GRIN2C: variants seen among roughly 807,000 people sequenced by gnomAD.
GRIN2C encodes glutamate ionotropic receptor NMDA type subunit 2C, also known as glutamate receptor ionotropic, NMDA 2C.
GRIN2C carries 64 observed loss-of-function variants against 77.7 expected under a neutral mutation model. The observed-to-expected ratio is 0.82, with a 90% CI of 0.67 to 1.01. The LOEUF is 1.01. Among genes scored for constraint, GRIN2C ranks in the 50% least tolerant of loss-of-function variants. The pLI is 0.00. For missense variants in GRIN2C, 1,549 were observed against 1,486.0 expected, an observed-to-expected ratio of 1.04 and a Z score of -0.70; for synonymous variants, 792 against 643.4, an observed-to-expected ratio of 1.23 and a Z score of -3.49.
chr17:74,857,742 G>A (rs547768954), intron 1 of GRIN2C, among the ~76,000 whole-genome samples: 5 of 152,266 alleles, frequency 3.3e-5, no homozygotes, highest in Admixed American at 1.3e-4. Context: ...TATAGGAGCC[G>A]CCAGTCATAC....
chr17:74,843,290 G>A lies in GRIN2C; in HGVS notation c.2847C>T (p.Pro949=), dbSNP rs750336406. Residue 949 remains proline, a synonymous_variant, in exon 13 of 13, where the codon CCC becomes CCT. Transcript: ENST00000293190. ...RSGPSPCLPT[P]DPPPEPSPTG... ...TGGGGCTCGGCTCTGGGGGCGGGTC[G>A]GGGGTGGGCAGGCATGGGCTGGGGC... 8 of 1,151,532 alleles carry A rather than the reference G, an allele frequency of 6.9e-6. No homozygotes were observed. The highest frequency in any genetic ancestry group is 3.2e-5 in the South Asian group (2 of 63,350). The allele number at this position is 1,151,532 out of a possible 1,614,324, so 71.3% of individuals were successfully genotyped here. A position where few individuals can be genotyped will look rare whatever the true frequency, so the allele number is the denominator to read the frequency against.
In GRIN2C at chr17:74,852,488, G is replaced by T; in HGVS notation, c.523C>A (p.His175Asn). The T allele has an allele frequency of 6.4e-7, 1 of 1,567,182 alleles. No individual in the cohort carries two copies. The stretch of plus-strand genomic sequence containing the variant: ...CGCACGCCCTCCAGGAAGAGCGCGT[G>T]GCCCGGGTGCAGGCTGGTGATGACG... ...FAVITSLHPG[H>N]ALFLEGVRAV... Residue 175 changes from histidine to asparagine, a missense_variant, in exon 3 of 13, where the codon CAC becomes AAC. By Grantham distance (68) the His-to-Asn change is moderately conservative. Transcript: ENST00000293190.
chr17:74,845,728 T>A (rs1402802617), intron 11 of GRIN2C, among the ~76,000 whole-genome samples: 1 of 152,106 alleles, frequency 6.6e-6, no homozygotes, highest in Non-Finnish European at 1.5e-5. Flanking sequence ...AAGGAGGTGC[T>A]CATCTGGGAG....
In GRIN2C at chr17:74,846,775, G is replaced by C; in HGVS notation, c.2147C>G (p.Thr716Ser). The C allele has an allele frequency of 1.2e-6, 2 of 1,613,882 alleles. No individual in the cohort carries two copies. Among genetic ancestry groups the C allele is most frequent in the Non-Finnish European group, 1.7e-6 (2 of 1,179,888 alleles). The part of the protein sequence containing the change: ...FNQRSVEDAL[T>S]SLKMGKLDAF... Reference sequence around the variant, plus strand: ...GGGGACCCACCCCATCTTGAGGCTGGTGAGCGCGTCCTCCACCGAGCGCTG... The same window carrying C: ...GGGGACCCACCCCATCTTGAGGCTGCTGAGCGCGTCCTCCACCGAGCGCTG... The change falls in exon 10 of 13, where the codon ACC becomes AGC. Residue 716 changes from threonine (T) to serine (S), a missense_variant. This residue lies in a region of GRIN2C where 717 missense variants were observed against 858.1 expected (regional missense o/e 0.84). Coordinates refer to ENST00000293190, the MANE Select transcript of GRIN2C (RefSeq NM_000835.6). This position sits in a 1 kb window ranked among gnomAD's most constrained non-coding sequence, Gnocchi z 4.4.
rs966466178 is a variant in GRIN2C at position 74,843,480 on chromosome 17, G to A, written c.2657C>T (p.Ala886Val). Residue 886 changes from alanine (A) to valine (V), a missense_variant, in exon 13 of 13, where the codon GCC becomes GTC. Physicochemically the swap from Ala to Val is moderately conservative, Grantham distance 64. This residue lies in a region of GRIN2C where 450 missense variants were observed against 267.9 expected (regional missense o/e 1.68). Coordinates refer to ENST00000293190, the MANE Select transcript of GRIN2C (RefSeq NM_000835.6). ...GAGCACGCTGGCCTGGGCCGAGCTG[G>A]CCGTGAGGTCCGGGCTGGCCTGCCG... ...PPRQASPDLT[A>V]SSAQASVLKM... 6.5e-7 allele frequency: 1 copy of A among 1,534,208 alleles called. No individual in the cohort carries two copies. The highest frequency in any genetic ancestry group is 2.4e-5 in the East Asian group (1 of 40,890).
intron 1 of GRIN2C, among the ~76,000 whole-genome samples, chr17:74,855,533 A>G (rs1159504352): frequency 6.6e-6 from 1 of 152,252 alleles, no homozygotes; most frequent in Non-Finnish European, 1.5e-5. Context: ...TAGGGAAGTC[A>G]CTTAGCCTCT....
chr17:74,851,639 C>T lies in GRIN2C; in HGVS notation c.1051G>A (p.Gly351Arg). 1.3e-6 allele frequency: 2 copies of T among 1,574,582 alleles called. No individual in the cohort carries two copies. Among genetic ancestry groups the T allele is most frequent in the Non-Finnish European group, 1.7e-6 (2 of 1,159,180 alleles). Residue 351 changes from glycine to arginine, a missense_variant, in exon 4 of 13, where the codon GGG (glycine) becomes AGG (arginine). Around this residue, in one of 3 missense-constraint regions of GRIN2C, gnomAD observed 717 missense variants for 858.1 expected, o/e 0.84. Coordinates refer to ENST00000293190, the MANE Select transcript of GRIN2C (RefSeq NM_000835.6). ...ACCATGGTGGGCTGGACCAGGTACC[C>T]ACCAGGGCTGAAGGAGAAGTCTCGG... ...EGRDFSFSPG[G>R]YLVQPTMVVI...
rs2037316265 is a variant in GRIN2C, at chr17:74,842,524, C to G, written c.3613G>C (p.Asp1205His). Residue 1205 changes from aspartate (D) to histidine (H), a missense_variant, in exon 13 of 13, where the codon GAC (aspartate) becomes CAC (histidine). By Grantham distance (81) the Asp-to-His change is moderately conservative. Coordinates refer to ENST00000293190, the MANE Select transcript of GRIN2C (RefSeq NM_000835.6). The part of the protein sequence containing the change: ...GTGYRDSGGL[D>H]EISRVARGTQ... ...CCACGGGCTACCCTGCTGATCTCGT[C>G]CAGTCCCCCACTGTCTCTGTAGCCT... The G allele has an allele frequency of 1.3e-6, 1 of 779,068 alleles. No individual in the cohort carries two copies. The highest frequency in any genetic ancestry group is 2.4e-6 in the Non-Finnish European group (1 of 417,742). 48.3% of individuals were successfully genotyped at this position (779,068 alleles called of 1,614,324 possible). A position where few individuals can be genotyped will look rare whatever the true frequency, so the allele number is the denominator to read the frequency against.
At position 74,842,673 on chromosome 17, in the gene GRIN2C, G is replaced by A. The variant is rs771458368; in HGVS notation, c.3464C>T (p.Ala1155Val). 1.9e-5 allele frequency: 14 copies of A among 734,560 alleles called. No homozygotes were observed. Among genetic ancestry groups the A allele is most frequent in the Admixed American group, 1.3e-4 (7 of 52,272 alleles). The allele number at this position is 734,560 out of a possible 1,614,324, so 45.5% of individuals were successfully genotyped here. ...HRQHVCLHAH[A>V]HLPFCWGAVC... ...AGCCCCCCAGCAAAATGGCAGGTGG[G>A]CGTGGGCGTGCAGGCAGACGTGCTG... The change falls in exon 13 of 13, where the codon GCC (alanine) becomes GTC (valine). Residue 1155 changes from alanine (A) to valine (V), a missense_variant. Ala to Val is a moderately conservative substitution (Grantham distance 64). Coordinates refer to ENST00000293190, the MANE Select transcript of GRIN2C (RefSeq NM_000835.6).
In GRIN2C at chr17:74,842,403, C is replaced by G; in HGVS notation, c.*32G>C. ...ACCCTGACAGTGGCAGGCAGAGAAT[C>G]CAGCTGGCTCGGAGCCTGAGTGGCT... On this transcript the variant is annotated 3_prime_UTR_variant, in exon 13 of 13. Coordinates refer to ENST00000293190, the MANE Select transcript of GRIN2C (RefSeq NM_000835.6). 1.3e-6 allele frequency: 1 copy of G among 751,436 alleles called. No homozygotes were observed. The allele number at this position is 751,436 out of a possible 1,614,324, so 46.5% of individuals were successfully genotyped here.
Position 74,842,720 on chromosome 17 carries a change from C to T in GRIN2C, c.3417G>A (p.Gly1139=). 1 of 711,216 alleles carries T rather than the reference C, an allele frequency of 1.4e-6. No individual in the cohort carries two copies. 44.1% of individuals were successfully genotyped at this position (711,216 alleles called of 1,614,324 possible). ...REACQEGEQA[G]APAWQHRQHV... The stretch of plus-strand genomic sequence containing the variant: ...GCTGTCTGTGCTGCCAGGCGGGGGC[C>T]CCTGCCTGCTCGCCCTCCTGGCAGG... Residue 1139 remains glycine, a synonymous_variant, in exon 13 of 13, where the codon GGG becomes GGA. Coordinates refer to ENST00000293190, the MANE Select transcript of GRIN2C (RefSeq NM_000835.6).
Position 74,852,355 on chromosome 17 carries a change from A to C in GRIN2C, c.656T>G (p.Leu219Arg). 6.9e-7 allele frequency: 1 copy of C among 1,453,916 alleles called. No homozygotes were observed. Among genetic ancestry groups the C allele is most frequent in the Non-Finnish European group, 9.0e-7 (1 of 1,110,906 alleles). The allele number at this position is 1,453,916 out of a possible 1,614,324, so 90.1% of individuals were successfully genotyped here. A position where few individuals can be genotyped will look rare whatever the true frequency, so the allele number is the denominator to read the frequency against. Residue 219 changes from leucine to arginine, a missense_variant, in exon 3 of 13, where the codon CTC becomes CGC. Leu to Arg is a moderately radical substitution (Grantham distance 102). Around this residue, in one of 3 missense-constraint regions of GRIN2C, gnomAD observed 382 missense variants for 360.0 expected, o/e 1.06. Coordinates refer to ENST00000293190, the MANE Select transcript of GRIN2C (RefSeq NM_000835.6). ...GTAGGCCACAAACACGGGCGCGTCGAGCTGGCGCAGCAGGCGCTGCGTGCG... is the reference window on the plus strand; with the variant it reads ...GTAGGCCACAAACACGGGCGCGTCGCGCTGGCGCAGCAGGCGCTGCGTGCG... ...RARTQRLLRQ[L>R]DAPVFVAYCS...
chr17:74,850,399 G>T lies in GRIN2C; in HGVS notation c.1326-28C>A, dbSNP rs370702335. On this transcript the variant is annotated intron_variant, in intron 5 of 12. Coordinates refer to ENST00000293190, the MANE Select transcript of GRIN2C (RefSeq NM_000835.6). This position sits in a 1 kb window ranked among gnomAD's most constrained non-coding sequence, Gnocchi z 5.3. ...GCAGCCATGCCGCCATGAGACCACC[G>T]GGAGTCAGAGTATGTCGTGGCCCAG... The T allele has an allele frequency of 6.2e-7, 1 of 1,604,034 alleles. No homozygotes were observed. Among genetic ancestry groups the T allele is most frequent in the East Asian group, 2.2e-5 (1 of 44,858 alleles).
At chr17:74,844,037 C>T in intron 12 of GRIN2C, 1 of 773,918 alleles carries the variant, frequency 1.3e-6, no homozygotes, top group Non-Finnish European at 2.0e-6. Context: ...CCACGCCCAG[C>T]TAATTCTTTT....
chr17:74,851,927 T>C, intron 3 of GRIN2C, 86 bp downstream of exon 3: 1 of 1,048,258 alleles, frequency 9.5e-7, no homozygotes, highest in East Asian at 2.7e-5. Context: ...GTGGGAGGTG[T>C]GGCTGGCCAG....
At chr17:74,848,914 G>A (rs2037542675) in intron 7 of GRIN2C, among the ~76,000 whole-genome samples, 2 of 151,986 alleles carry the variant, frequency 1.3e-5, no homozygotes, top group South Asian at 4.2e-4. Flanking sequence ...CTACTCAAGA[G>A]GCTGAGGTGG....
chr17:74,843,153 G>T lies in GRIN2C; in HGVS notation c.2984C>A (p.Ser995Ter). ...CCGCGCCTCCCAGGCTGGGCGGCGC[G>T]ACACTCGGGAGACGTCGGACAGGGG... is the stretch of plus-strand genomic sequence containing the variant. Reference protein sequence around the residue: ...GPPLSDVSRVSRRPAWEARWP... With the variant: ...GPPLSDVSRV The change falls in exon 13 of 13, where the codon TCG becomes TAG. Residue 995 changes from serine to a stop codon, truncating the protein, a stop_gained. Transcript: ENST00000293190. LOFTEE classifies it low-confidence loss of function (END_TRUNC). 2.4e-6 allele frequency: 1 copy of T among 413,752 alleles called. No individual in the cohort carries two copies. The highest frequency in any genetic ancestry group is 4.2e-6 in the Non-Finnish European group (1 of 236,434). 25.6% of individuals were successfully genotyped at this position (413,752 alleles called of 1,614,324 possible).
At chr17:74,856,571 C>T (rs1011044679) in intron 1 of GRIN2C, among the ~76,000 whole-genome samples, 20 of 151,690 alleles carry the variant, frequency 1.3e-4, no homozygotes, top group Non-Finnish European at 2.2e-4. Flanking sequence ...CTCCACCTCC[C>T]GGGTTCATGC....
rs534330030 is a variant in GRIN2C at position 74,844,316 on chromosome 17, G to A, written c.2543C>T (p.Pro848Leu). 1 of 1,614,090 alleles carries A rather than the reference G, an allele frequency of 6.2e-7. No homozygotes were observed. Among genetic ancestry groups the A allele is most frequent in the South Asian group, 1.1e-5 (1 of 91,086 alleles). The stretch of plus-strand genomic sequence containing the variant: ...CAGGAAGTCCAGCTGGGATGAGTTG[G>A]GCACCGAGTGGCGCAGCTTCCAGTA... ...LVYWKLRHSV[P>L]NSSQLDFLLA... is the part of the protein sequence containing the mutation. Residue 848 changes from proline to leucine, a missense_variant, in exon 12 of 13, where the codon CCC becomes CTC. Coordinates refer to ENST00000293190, the MANE Select transcript of GRIN2C (RefSeq NM_000835.6).
Sources: gnomAD v4.1 joint callset for allele counts (sites outside exome capture counted in the v4.1 genomes callset) on GRCh38, gnomAD v4.1.1 for gene constraint, gnomAD v4.1.1 regional missense constraint, Gnocchi (gnomAD v3.1) non-coding constraint, MANE v1.5 for transcripts, NCBI Gene and HGNC (gene_info 2026-07-23, HGNC 2026-07-21) for gene names.